KCNMB2: variants seen among roughly 807,000 people sequenced by gnomAD.
KCNMB2 encodes calcium-activated potassium channel subunit beta-2.
A neutral mutation model predicts 24.5 loss-of-function variants in KCNMB2; 9 were observed. The observed-to-expected ratio is 0.37, with a 90% CI of 0.22 to 0.64. The LOEUF is 0.64. Ranked by LOEUF, KCNMB2 falls within the 30% of genes least tolerant of loss-of-function variation. The pLI, the probability that KCNMB2 is intolerant of heterozygous loss-of-function variation, is 0.63. For synonymous variants in KCNMB2, 109 were observed against 104.4 expected, an observed-to-expected ratio of 1.04 and a Z score of -0.27; for missense variants, 226 against 284.3, an observed-to-expected ratio of 0.79 and a Z score of 1.47.
At chr3:178,671,368 T>C (rs1252098316) in intron 1 of KCNMB2, among the ~76,000 whole-genome samples, 1 of 152,156 alleles carries the variant, frequency 6.6e-6, no homozygotes, top group African/African-American at 2.4e-5. Flanking sequence ...TCTCCCTTAA[T>C]TGTGTAACCT....
At chr3:178,642,439 C>G (rs1260507962) in intron 1 of KCNMB2, among the ~76,000 whole-genome samples, 1 of 152,146 alleles carries the variant, frequency 6.6e-6, no homozygotes, top group Non-Finnish European at 1.5e-5. Flanking sequence ...CACCCACCAC[C>G]AGCACCACCC....
At chr3:178,585,487 C>T (rs1717394587) in intron 1 of KCNMB2, among the ~76,000 whole-genome samples, 1 of 152,160 alleles carries the variant, frequency 6.6e-6, no homozygotes, top group Non-Finnish European at 1.5e-5. Context: ...CTTACTTTTG[C>T]TACTAGACCC....
At chr3:178,718,562 C>G (rs933077090) in intron 1 of KCNMB2, among the ~76,000 whole-genome samples, 1 of 152,174 alleles carries the variant, frequency 6.6e-6, no homozygotes, top group African/African-American at 2.4e-5. Context: ...TTACCCAAGA[C>G]AAGTCATTTT....
At chr3:178,677,308 A>G (rs1425550183) in intron 1 of KCNMB2, among the ~76,000 whole-genome samples, 1 of 152,188 alleles carries the variant, frequency 6.6e-6, no homozygotes, top group East Asian at 1.9e-4. Flanking sequence ...ACCAGACACC[A>G]TAAGGAGGGT....
At chr3:178,614,279 A>ATATATATATATGTATATG (rs1718613579) in intron 1 of KCNMB2, among the ~76,000 whole-genome samples, 4 of 72,702 alleles carry the variant, frequency 5.5e-5, no homozygotes, top group Admixed American at 1.7e-4. Flanking sequence ...ATATATATAT[A>ATATATATATATGTATATG]TATATATATA....
chr3:178,828,315 C>A lies in KCNMB2; in HGVS notation c.365C>A (p.Ser122Tyr). 1 of 1,614,072 alleles carries A rather than the reference C, an allele frequency of 6.2e-7. No individual in the cohort carries two copies. Among genetic ancestry groups the A allele is most frequent in the Non-Finnish European group, 8.5e-7 (1 of 1,179,934 alleles). The change falls in exon 4 of 5, where the codon TCT becomes TAT. Residue 122 changes from serine to tyrosine, a missense_variant. Physicochemically the swap from Ser to Tyr is moderately radical, Grantham distance 144. Coordinates refer to ENST00000452583, the MANE Select transcript of KCNMB2 (RefSeq NM_181361.3). ...CTCCAGGTGTACGTTAACCTGACTT[C>A]TTCCGGGGAAAAGCTCCTCCTCTAC... The part of the protein sequence containing the change: ...PCLQVYVNLT[S>Y]SGEKLLLYHT...
chr3:178,812,819 A>G (rs1192098222), intron 2 of KCNMB2, among the ~76,000 whole-genome samples: 1 of 152,064 alleles, frequency 6.6e-6, no homozygotes, highest in Non-Finnish European at 1.5e-5. Flanking sequence ...CCTCAGACAA[A>G]CACCTCACAA....
At chr3:178,539,418 G>A (rs1416801245) in intron 1 of KCNMB2, among the ~76,000 whole-genome samples, 1 of 152,080 alleles carries the variant, frequency 6.6e-6, no homozygotes, top group African/African-American at 2.4e-5. Flanking sequence ...CATTTGCACG[G>A]TTGCATTTTT....
intron 1 of KCNMB2, among the ~76,000 whole-genome samples, chr3:178,653,192 G>T (rs1451769404): frequency 1.3e-5 from 2 of 151,850 alleles, no homozygotes; most frequent in Non-Finnish European, 1.5e-5. Flanking sequence ...TGGATTCTTT[G>T]TTAAGGTAAT....
intron 1 of KCNMB2, among the ~76,000 whole-genome samples, chr3:178,662,369 A>G (rs536694696): frequency 2.6e-4 from 40 of 152,314 alleles, no homozygotes; most frequent in Middle Eastern, 6.8e-3. Flanking sequence ...GCCTCAAAAA[A>G]GTTTTGAAAA....
At chr3:178,809,984 CTTAGT>C (rs2108454087) in intron 2 of KCNMB2, among the ~76,000 whole-genome samples, 1 of 152,076 alleles carries the variant, frequency 6.6e-6, no homozygotes, top group East Asian at 1.9e-4. Context: ...TCTGCCATTC[CTTAGT>C]TTAATGTTGG....
intron 1 of KCNMB2, among the ~76,000 whole-genome samples, chr3:178,627,623 A>C (rs1719168260): frequency 6.6e-6 from 1 of 152,184 alleles, no homozygotes; most frequent in Admixed American, 6.5e-5. Flanking sequence ...AACTTCTCTT[A>C]ATTTTCTTTC....
chr3:178,807,360 C>T lies in KCNMB2; in HGVS notation c.-50C>T. 1 of 1,535,772 alleles carries T rather than the reference C, an allele frequency of 6.5e-7. No individual in the cohort carries two copies. Among genetic ancestry groups the T allele is most frequent in the African/African-American group, 1.4e-5 (1 of 73,044 alleles). On this transcript the variant is annotated 5_prime_UTR_variant, in exon 2 of 5. Coordinates refer to ENST00000452583, the MANE Select transcript of KCNMB2 (RefSeq NM_181361.3). ...TCTTCTAGGTCTTTTTGCCATTCCT[C>T]CAGGACATCCACCATAAGGAAAGGA...
chr3:178,576,368 G>A (rs976864315), intron 1 of KCNMB2, among the ~76,000 whole-genome samples: 5 of 152,132 alleles, frequency 3.3e-5, no homozygotes, highest in African/African-American at 1.2e-4. Context: ...ATTCCCTTGG[G>A]TGCCTATACC....
chr3:178,661,396 T>A (rs947879211), intron 1 of KCNMB2, among the ~76,000 whole-genome samples: 3 of 152,162 alleles, frequency 2.0e-5, no homozygotes, highest in Non-Finnish European at 2.9e-5. Flanking sequence ...TTGATGGGCA[T>A]CTTGGTTGGT....
chr3:178,757,632 ATG>A (rs1360784346), intron 1 of KCNMB2, among the ~76,000 whole-genome samples: 3 of 50,128 alleles, frequency 6.0e-5, no homozygotes, highest in African/African-American at 1.5e-4. Flanking sequence ...GGATATATAT[ATG>A]TATATATATC....
intron 1 of KCNMB2, among the ~76,000 whole-genome samples, chr3:178,673,713 T>A (rs1720980665): frequency 6.6e-6 from 1 of 152,162 alleles, no homozygotes. Flanking sequence ...AGGCTAATTC[T>A]CCAGTCTTTC....
intron 1 of KCNMB2, among the ~76,000 whole-genome samples, chr3:178,613,123 A>G (rs1012664643): frequency 6.6e-6 from 1 of 152,192 alleles, no homozygotes; most frequent in African/African-American, 2.4e-5. Flanking sequence ...TTAGGCTGAG[A>G]GCAGTGGCTC....
intron 1 of KCNMB2, among the ~76,000 whole-genome samples, chr3:178,599,348 A>G (rs1024173803): frequency 1.3e-5 from 2 of 152,232 alleles, no homozygotes; most frequent in African/African-American, 2.4e-5. Context: ...AATTTAATTC[A>G]ATAAAGATGC....
Sources: allele counts gnomAD v4.1 joint callset (sites outside exome capture counted in the v4.1 genomes callset), GRCh38; gene constraint gnomAD v4.1.1; transcripts MANE v1.5; gene names NCBI Gene and HGNC (gene_info 2026-07-23, HGNC 2026-07-21).